The following HYI variants were observed in gnomAD, a reference collection of about 807,000 sequenced individuals.
The protein encoded by HYI is hydroxypyruvate isomerase (putative), also known as putative hydroxypyruvate isomerase.
HYI carries 47 observed loss-of-function variants against 39.7 expected under a neutral mutation model. That is an observed-to-expected ratio of 1.18 (90% CI 0.94 to 1.51). HYI has a LOEUF of 1.51. Ranked by LOEUF, HYI falls within the 40% of genes most tolerant of loss-of-function variation. The probability of loss-of-function intolerance (pLI) is 0.00; values close to 1 mark genes in which losing one functional copy is unlikely to be tolerated. For synonymous variants in HYI, 186 were observed against 158.8 expected (o/e 1.17, Z -1.29); for missense variants, 465 against 370.3 (o/e 1.26, Z -2.10).
chr1:43,451,729 G>A lies in HYI; in HGVS notation c.556-12C>T, dbSNP rs758685189. 5 of 1,613,804 alleles carry A rather than the reference G, an allele frequency of 3.1e-6. No homozygotes were observed. In the African/African-American group the frequency reaches 5.3e-5, roughly 17 times the overall value. The stretch of plus-strand genomic sequence containing the variant: ...CAGTGGAATATGTCCTAGGGAAGAG[G>A]ATACTACATTCCGAGACCCCGCAGG... On this transcript the variant is annotated splice_polypyrimidine_tract_variant and intron_variant, in intron 5 of 7. Coordinates refer to ENST00000372430, the MANE Select transcript of HYI (RefSeq NM_001190880.3).
chr1:43,453,192 A>C, intron 2 of HYI, 194 bp downstream of exon 2: 1 of 642,518 alleles, frequency 1.6e-6, no homozygotes, highest in South Asian at 1.9e-5. Flanking sequence ...TGGGGTGAGC[A>C]TGAAAGAGTG....
chr1:43,453,560 C>T (rs1480959644), intron 1 of HYI, 35 bp downstream of exon 1: 1 of 1,512,904 alleles, frequency 6.6e-7, no homozygotes, highest in Non-Finnish European at 8.9e-7. Context: ...CCCGGCACCC[C>T]CCAGCCCTCC....
At chr1:43,453,362 T>C in intron 2 of HYI, 24 bp downstream of exon 2, 1 of 877,788 alleles carries the variant, frequency 1.1e-6, no homozygotes. Flanking sequence ...GTCACAGGGG[T>C]GGGGGTGGGG....
chr1:43,451,411 T>TC lies in HYI; in HGVS notation c.758dup (p.Gly254ArgfsTer16). On this transcript the variant is annotated frameshift_variant and splice_region_variant, in exon 7 of 8. Coordinates refer to ENST00000372430, the MANE Select transcript of HYI (RefSeq NM_001190880.3). LOFTEE classifies it high-confidence loss of function. ...CCCTTCCCCAGGGCCACGCCTCACC[T>TC]CGAGGCTGATACTCACAGCCCACGA... 6.2e-7 allele frequency: 1 copy of TC among 1,612,408 alleles called. No individual in the cohort carries two copies. Among genetic ancestry groups the TC allele is most frequent in the Non-Finnish European group, 8.5e-7 (1 of 1,179,994 alleles).
At chr1:43,452,428 A>G (rs767082434) in intron 2 of HYI, 109 bp from the exon 3 acceptor site, 6 of 857,162 alleles carry the variant, frequency 7.0e-6, no homozygotes, top group South Asian at 2.9e-5. Flanking sequence ...TCTCCAGTCC[A>G]TGGCACCTGG....
chr1:43,451,050 T>G lies in HYI; in HGVS notation c.*188A>C. The G allele has an allele frequency of 2.5e-6, 2 of 790,320 alleles. No homozygotes were observed. The highest frequency in any genetic ancestry group is 2.7e-5 in the South Asian group (2 of 74,196). The allele number at this position is 790,320 out of a possible 1,614,324, so 49.0% of individuals were successfully genotyped here. ...AGGTGGGTTCAGAAGCTCTCCCATC[T>G]TCACAGCAACCCTGGCACTGGCTTC... On this transcript the variant is annotated 3_prime_UTR_variant, in exon 8 of 8. Transcript: ENST00000372430.
At chr1:43,452,851 A>C in intron 2 of HYI, 1 of 1,549,358 alleles carries the variant, frequency 6.5e-7, no homozygotes, top group Non-Finnish European at 8.7e-7. Context: ...TCTTAGCCAC[A>C]TCCAGCTCCA....
downstream of HYI, chr1:43,450,705 A>G: frequency 6.9e-6 from 5 of 729,218 alleles, no homozygotes; most frequent in African/African-American, 3.5e-5. The surrounding 1 kb of genome is among the most constrained non-coding windows in gnomAD (Gnocchi z 4.3). Flanking sequence ...AGGACTCCAG[A>G]GAGTCAGGTC....
intron 2 of HYI, 176 bp downstream of exon 2, chr1:43,453,208 CAG>C (rs1656630188): frequency 1.6e-6 from 1 of 641,714 alleles, no homozygotes; most frequent in South Asian, 1.9e-5. Flanking sequence ...GAGTGGCAAA[CAG>C]AGTGGCATAA....
At chr1:43,453,539 C>A in intron 1 of HYI, 42 bp from the exon 2 acceptor site, 2 of 1,523,348 alleles carry the variant, frequency 1.3e-6, no homozygotes, top group Non-Finnish European at 1.8e-6. Context: ...CGGACACTCC[C>A]CTGCCCGCGC....
At position 43,452,213 on chromosome 1, in the gene HYI, A is replaced by G. The variant is rs879674764; in HGVS notation, c.418T>C (p.Leu140=). 1 of 1,612,846 alleles carries G rather than the reference A, an allele frequency of 6.2e-7. No homozygotes were observed. Among genetic ancestry groups the G allele is most frequent in the South Asian group, 1.1e-5 (1 of 90,830 alleles). Residue 140 remains leucine (L), a synonymous_variant, in exon 3 of 8, where the codon TTG becomes CTG. Coordinates refer to ENST00000372430, the MANE Select transcript of HYI (RefSeq NM_001190880.3). ...GTTTCCACCTTTCTCACCTGAGCCA[A>G]AACCCCAGCTGCATGCCTCAGGTTC... The part of the protein sequence containing the change: ...LENLRHAAGV[L]AQEDLVGLLE...
rs907038583 is a variant in HYI at position 43,453,656 on chromosome 1, C to G, written c.138G>C (p.Glu46Asp). The G allele has an allele frequency of 6.7e-7, 1 of 1,486,594 alleles. No homozygotes were observed. Among genetic ancestry groups the G allele is most frequent in the African/African-American group, 1.5e-5 (1 of 68,024 alleles). 92.1% of individuals were successfully genotyped at this position (1,486,594 alleles called of 1,614,324 possible). Residue 46 changes from glutamate (E) to aspartate (D), a missense_variant, in exon 1 of 8, where the codon GAG becomes GAC. Glu to Asp is a conservative substitution (Grantham distance 45, BLOSUM62 2). Coordinates refer to ENST00000372430, the MANE Select transcript of HYI (RefSeq NM_001190880.3). ...CTTCTCGCGCGGCGCGCGCCAGCGCCTCAGGCGTCTCCGCGTACGGCCAGG... is the reference window on the plus strand; with the variant it reads ...CTTCTCGCGCGGCGCGCGCCAGCGCGTCAGGCGTCTCCGCGTACGGCCAGG... The part of the protein sequence containing the change: ...EVAWPYAETP[E>D]ALARAAREAG...
At chr1:43,450,928 T>A (rs769598200), downstream of HYI, 9 of 753,922 alleles carry the variant, frequency 1.2e-5, no homozygotes, top group Admixed American at 1.7e-5. The surrounding 1 kb of genome is among the most constrained non-coding windows in gnomAD (Gnocchi z 4.3). Context: ...CCCATCGAGA[T>A]GACACCTGGG....
In HYI at chr1:43,453,160, CTCCCAGCATGGGA is replaced by C. The variant is rs1210245150; in HGVS notation, c.311+213_311+225del. 122 of 661,150 alleles carry C rather than the reference CTCCCAGCATGGGA, an allele frequency of 1.8e-4. No individual in the cohort carries two copies. In the East Asian group the frequency reaches 2.4e-3, roughly 13 times the overall value. 41.0% of individuals were successfully genotyped at this position (661,150 alleles called of 1,614,324 possible). A position where few individuals can be genotyped will look rare whatever the true frequency, so the allele number is the denominator to read the frequency against. ...CTCCTATCTGCCTAGGCAGACTGAG[CTCCCAGCATGGGA>C]TCCCAGCATGGGGTGAGCATGAAAG... On this transcript the variant is annotated intron_variant, in intron 2 of 7. Coordinates refer to ENST00000372430, the MANE Select transcript of HYI (RefSeq NM_001190880.3).
intron 1 of HYI, 47 bp from the exon 2 acceptor site, chr1:43,453,544 C>CCGCGCCCCGG: frequency 6.6e-7 from 1 of 1,523,264 alleles, no homozygotes; most frequent in African/African-American, 1.4e-5. Flanking sequence ...ACTCCCCTGC[C>CCGCGCCCCGG]CGCGCCCCGG....
At position 43,452,901 on chromosome 1, in the gene HYI, A is replaced by G. The variant is rs764836657; in HGVS notation, c.311+485T>C. The G allele has an allele frequency of 1.6e-5, 25 of 1,598,168 alleles. No homozygotes were observed. In the African/African-American group the frequency reaches 2.1e-4, roughly 14 times the overall value. On this transcript the variant is annotated intron_variant, in intron 2 of 7. Coordinates refer to ENST00000372430, the MANE Select transcript of HYI (RefSeq NM_001190880.3). ...GCCTCCCCATCCCAACAGGCTACAT[A>G]CATGTCCAGCCTCAGGAACGCTGCC... is the stretch of plus-strand genomic sequence containing the variant.
In HYI at chr1:43,452,803, C is replaced by T. The variant is rs1656583910; in HGVS notation, c.312-484G>A. 4.7e-6 allele frequency: 6 copies of T among 1,276,404 alleles called. 1 individual carries two copies. The highest frequency in any genetic ancestry group is 2.9e-5 in the African/African-American group (2 of 67,810). 79.1% of individuals were successfully genotyped at this position (1,276,404 alleles called of 1,614,324 possible). On this transcript the variant is annotated intron_variant, in intron 2 of 7. Coordinates refer to ENST00000372430, the MANE Select transcript of HYI (RefSeq NM_001190880.3). Reference sequence around the variant, plus strand: ...GCAGGATTTGACATTTGAATCAGCCCCACTTTGAGCCGTCCACCTCCTCCC... The same window carrying T: ...GCAGGATTTGACATTTGAATCAGCCTCACTTTGAGCCGTCCACCTCCTCCC...
rs1370222135 is a variant in HYI, at chr1:43,451,326, A to T, written c.761-15T>A. ...TACTGTGTCTCCTGCAGGGAGAGGGAGGCCTCGGCACCTCAGCCCACAAGG... is the reference window on the plus strand; with the variant it reads ...TACTGTGTCTCCTGCAGGGAGAGGGTGGCCTCGGCACCTCAGCCCACAAGG... On this transcript the variant is annotated splice_polypyrimidine_tract_variant and intron_variant, in intron 7 of 7. Transcript: ENST00000372430. 1 of 1,613,336 alleles carries T rather than the reference A, an allele frequency of 6.2e-7. No individual in the cohort carries two copies. Among genetic ancestry groups the T allele is most frequent in the South Asian group, 1.1e-5 (1 of 91,072 alleles).
intron 2 of HYI, 41 bp from the exon 3 acceptor site, chr1:43,452,360 C>G (rs748315953): frequency 6.9e-7 from 1 of 1,458,264 alleles, no homozygotes; most frequent in Non-Finnish European, 9.6e-7. Flanking sequence ...TCCCTTGGCT[C>G]TCTCTGCACC....
Sources: allele counts gnomAD v4.1 joint callset, GRCh38; gene constraint gnomAD v4.1.1; non-coding constraint Gnocchi (gnomAD v3.1); transcripts MANE v1.5; gene names NCBI Gene and HGNC (gene_info 2026-07-23, HGNC 2026-07-21).